Variants in SLC45A4 observed in about 807,000 individuals in gnomAD.
SLC45A4 encodes polyamine-transporter SLC45A4.
In SLC45A4, 32 loss-of-function variants were observed where a neutral mutation model predicts 63.7. The observed-to-expected ratio is 0.50, with a 90% confidence interval of 0.38 to 0.67. The LOEUF (loss-of-function observed/expected upper bound fraction) is 0.67. Among genes scored for constraint, SLC45A4 ranks in the 30% least tolerant of loss-of-function variants. The pLI, the probability that SLC45A4 is intolerant of heterozygous loss-of-function variation, is 0.00. For synonymous variants in SLC45A4, 535 were observed against 510.0 expected, an observed-to-expected ratio of 1.05 and a Z score of -0.66; for missense variants, 1,027 against 1,157.7, an observed-to-expected ratio of 0.89 and a Z score of 1.64.
intron 8 of SLC45A4, 56 bp downstream of exon 8, chr8:141,212,141 C>CGGGGGG: frequency 9.0e-7 from 1 of 1,109,166 alleles, no homozygotes; most frequent in East Asian, 4.4e-5. Flanking sequence ...CCCCGCCGCC[C>CGGGGGG]GCCCGCCCGC....
At chr8:141,225,898 T>C (rs7001864) in intron 2 of SLC45A4, 71,593 of 152,716 alleles carry the variant, frequency 0.47, 17,198 homozygotes, top group South Asian at 0.54. Context: ...ACTCCTATAG[T>C]CCCCACAGCT....
intron 1 of SLC45A4, among the ~76,000 whole-genome samples, chr8:141,289,175 A>G (rs542826220): frequency 1.3e-5 from 2 of 152,316 alleles, no homozygotes; most frequent in South Asian, 4.1e-4. Flanking sequence ...GGCCAGGGCG[A>G]GAGCAGAAGG....
At chr8:141,271,699 A>G (rs1202268231) in intron 1 of SLC45A4, among the ~76,000 whole-genome samples, 1 of 152,238 alleles carries the variant, frequency 6.6e-6, no homozygotes, top group Non-Finnish European at 1.5e-5. Flanking sequence ...TCTCACAGAT[A>G]TGATCATATG....
Position 141,215,903 on chromosome 8 carries a change from C to T in SLC45A4, c.1797G>A (p.Leu599=), listed in dbSNP as rs76949108. The change falls in exon 7 of 9, where the codon CTG becomes CTA. Residue 599 remains leucine, a synonymous_variant. Coordinates refer to ENST00000517878, the MANE Select transcript of SLC45A4 (RefSeq NM_001286646.2). The surrounding 1 kb of genome is among the most constrained non-coding windows in gnomAD (Gnocchi z 4.3). ...SVRVIYVLGT[L]GFSVGTAVMA... ...TCACGGCTGTGCCGACAGAGAAGCCCAGCGTCCCCAGCACGTAGATCACCC... is the reference window on the plus strand; with the variant it reads ...TCACGGCTGTGCCGACAGAGAAGCCTAGCGTCCCCAGCACGTAGATCACCC... 2.5e-6 allele frequency: 4 copies of T among 1,614,122 alleles called. No individual in the cohort carries two copies. In the Admixed American group the frequency reaches 6.7e-5, roughly 27 times the overall value.
chr8:141,232,237 C>T (rs954785370), intron 2 of SLC45A4, among the ~76,000 whole-genome samples: 2 of 152,384 alleles, frequency 1.3e-5, no homozygotes, highest in Admixed American at 1.3e-4. Context: ...AACAATCCAT[C>T]ACACGCCAGC....
intron 1 of SLC45A4, among the ~76,000 whole-genome samples, chr8:141,307,380 T>C (rs1830930421): frequency 6.6e-6 from 1 of 152,074 alleles, no homozygotes; most frequent in African/African-American, 2.4e-5. Context: ...TCAAGGTATC[T>C]TCAAAGGGAC....
intron 1 of SLC45A4, among the ~76,000 whole-genome samples, chr8:141,290,331 C>T (rs1300593316): frequency 2.0e-5 from 3 of 151,976 alleles, no homozygotes; most frequent in East Asian, 1.9e-4. Flanking sequence ...GCTCCAAGCC[C>T]GGCCCTCCCA....
intron 8 of SLC45A4, 136 bp from the exon 9 acceptor site, chr8:141,211,833 T>A (rs1258621448): frequency 3.1e-6 from 4 of 1,309,610 alleles, no homozygotes; most frequent in Non-Finnish European, 3.9e-6. Context: ...AATCTTATTT[T>A]TTCTAAGTTG....
At chr8:141,255,572 C>G (rs1253060901) in intron 1 of SLC45A4, among the ~76,000 whole-genome samples, 1 of 152,082 alleles carries the variant, frequency 6.6e-6, no homozygotes, top group Non-Finnish European at 1.5e-5. Context: ...AAAAATTAGC[C>G]AGGCATGGTG....
At position 141,235,052 on chromosome 8, in the gene SLC45A4, G is replaced by T. The variant is rs148178991; in HGVS notation, c.242-13287C>A. Among the ~76,000 whole-genome samples, 6 of 151,374 alleles carry T rather than the reference G, an allele frequency of 4.0e-5. No individual in the cohort carries two copies. The East Asian group carries it at 1.2e-3, about 29-fold the overall frequency. On this transcript the variant is annotated intron_variant, in intron 2 of 8. Transcript: ENST00000517878. Reference sequence around the variant, plus strand: ...AAACTGACTCTCCAGCACTGGGTTTGTTGCTTCATCTCCGAGTGAAGGTGC... The same window carrying T: ...AAACTGACTCTCCAGCACTGGGTTTTTTGCTTCATCTCCGAGTGAAGGTGC...
intron 1 of SLC45A4, among the ~76,000 whole-genome samples, chr8:141,295,970 T>C (rs1378570876): frequency 6.6e-6 from 1 of 152,064 alleles, no homozygotes; most frequent in Non-Finnish European, 1.5e-5. Flanking sequence ...AAGACCACCA[T>C]CCAAGCCTGG....
At chr8:141,272,892 T>C (rs925304357) in intron 1 of SLC45A4, among the ~76,000 whole-genome samples, 2 of 152,342 alleles carry the variant, frequency 1.3e-5, no homozygotes, top group South Asian at 4.1e-4. Context: ...TCCTCAATAC[T>C]GCATCGAATC....
At chr8:141,291,205 C>T (rs1183827923) in intron 1 of SLC45A4, among the ~76,000 whole-genome samples, 1 of 152,180 alleles carries the variant, frequency 6.6e-6, no homozygotes, top group Non-Finnish European at 1.5e-5. Context: ...AAACTGTATA[C>T]AAAATTGCAT....
intron 1 of SLC45A4, among the ~76,000 whole-genome samples, chr8:141,295,447 G>A (rs536867822): frequency 3.7e-4 from 56 of 152,308 alleles, no homozygotes; most frequent in African/African-American, 1.0e-3. Flanking sequence ...AGATAACAGC[G>A]CATCACAGGG....
chr8:141,240,944 C>G (rs905919645), intron 2 of SLC45A4, among the ~76,000 whole-genome samples: 7 of 152,288 alleles, frequency 4.6e-5, no homozygotes, highest in African/African-American at 9.6e-5. Flanking sequence ...GGGCAGCCGC[C>G]CGGATCCATG....
rs1182311160 is a variant in SLC45A4 at position 141,256,724 on chromosome 8, G to A, written c.-400-2095C>T. On this transcript the variant is annotated intron_variant, in intron 1 of 8. Transcript: ENST00000517878. The surrounding 1 kb of genome is among the most constrained non-coding windows in gnomAD (Gnocchi z 4.3). The stretch of plus-strand genomic sequence containing the variant: ...TCTTACGTCCCCTGAACGTCGCTAC[G>A]ATTCCACACGACAGCCCTCGAGAAT... 9.3e-6 allele frequency: 4 copies of A among 432,240 alleles called. No individual in the cohort carries two copies. The highest frequency in any genetic ancestry group is 3.2e-5 in the South Asian group (2 of 63,250). 26.8% of individuals were successfully genotyped at this position (432,240 alleles called of 1,614,324 possible).
chr8:141,215,651 C>T lies in SLC45A4; in HGVS notation c.1941+108G>A. 1 of 1,115,772 alleles carries T rather than the reference C, an allele frequency of 9.0e-7. No individual in the cohort carries two copies. The highest frequency in any genetic ancestry group is 1.3e-6 in the Non-Finnish European group (1 of 764,484). The allele number at this position is 1,115,772 out of a possible 1,614,324, so 69.1% of individuals were successfully genotyped here. ...TCTCAGAACCGGAGAGGAAGGAGGG[C>T]CATCTGTGTCGTGAACGTCCCCCCG... On this transcript the variant is annotated intron_variant, in intron 7 of 8. Transcript: ENST00000517878. This position sits in a 1 kb window ranked among gnomAD's most constrained non-coding sequence, Gnocchi z 4.3.
At position 141,261,340 on chromosome 8, in the gene SLC45A4, C is replaced by T. The variant is rs578172292; in HGVS notation, c.-400-6711G>A. Among the ~76,000 whole-genome samples the T allele has an allele frequency of 8.7e-4, 132 of 152,192 alleles. 1 individual carries two copies. The highest frequency in any genetic ancestry group is 2.8e-3 in the African/African-American group (115 of 41,516). ...GACAGGGATGCCCTCTCTCACCACT[C>T]CTATTCAACATAGTGTTGGAAGTTC... is the stretch of plus-strand genomic sequence containing the variant. On this transcript the variant is annotated intron_variant, in intron 1 of 8. Coordinates refer to ENST00000517878, the MANE Select transcript of SLC45A4 (RefSeq NM_001286646.2).
intron 1 of SLC45A4, among the ~76,000 whole-genome samples, chr8:141,299,913 T>C (rs1830687955): frequency 6.6e-6 from 1 of 152,144 alleles, no homozygotes; most frequent in Non-Finnish European, 1.5e-5. Context: ...CTTTCCAGGG[T>C]GATTTAATCC....
Sources: allele counts gnomAD v4.1 joint callset (sites outside exome capture counted in the v4.1 genomes callset), GRCh38; gene constraint gnomAD v4.1.1; non-coding constraint Gnocchi (gnomAD v3.1); transcripts MANE v1.5; gene names NCBI Gene and HGNC (gene_info 2026-07-23, HGNC 2026-07-21).